The following NDRG2 variants were observed in gnomAD, a reference collection of about 807,000 sequenced individuals.
NDRG2 encodes protein NDRG2.
Under a neutral mutation model 58.2 loss-of-function variants are expected in NDRG2, and 34 were observed. The ratio of observed to expected loss-of-function variants is 0.58; its 90% CI spans 0.44 to 0.78. The LOEUF (loss-of-function observed/expected upper bound fraction) is 0.78, where lower values mean the gene tolerates loss of function less well. Among genes scored for constraint, NDRG2 ranks in the 30% least tolerant of loss-of-function variants. The pLI, the probability that NDRG2 is intolerant of heterozygous loss-of-function variation, is 0.00. For synonymous variants in NDRG2, 187 were observed against 175.9 expected, an observed-to-expected ratio of 1.06 and a Z score of -0.50; for missense variants, 434 against 471.2, an observed-to-expected ratio of 0.92 and a Z score of 0.73.
intron 1 of NDRG2, among the ~76,000 whole-genome samples, chr14:21,036,985 G>T (rs1260552075): frequency 6.6e-6 from 1 of 152,220 alleles, no homozygotes; most frequent in African/African-American, 2.4e-5. Flanking sequence ...CCACATTGTG[G>T]TCCCTGCCTT....
intron 6 of NDRG2, chr14:21,021,561 C>T (rs1880335619): frequency 6.0e-6 from 3 of 501,174 alleles, no homozygotes; most frequent in East Asian, 3.4e-5. Context: ...TCAGAGAAGG[C>T]CCTCCTTAGC....
At chr14:21,020,053 T>A (rs1335852384) in intron 8 of NDRG2, 77 bp from the exon 9 acceptor site, 2 of 1,389,426 alleles carry the variant, frequency 1.4e-6, no homozygotes, top group South Asian at 1.2e-5. Flanking sequence ...CCCAGCACTT[T>A]GGGAGGCCGA....
intron 1 of NDRG2, chr14:21,034,400 T>A (rs570552859): frequency 1.3e-6 from 1 of 773,108 alleles, no homozygotes; most frequent in East Asian, 2.7e-5. Context: ...TTAGAGATCA[T>A]CTCACCCATA....
At chr14:21,018,572 A>T in intron 12 of NDRG2, 68 bp from the exon 13 acceptor site, 1 of 1,584,698 alleles carries the variant, frequency 6.3e-7, no homozygotes, top group Non-Finnish European at 8.6e-7. Context: ...TAAGGGACCC[A>T]GGAACCCAGA....
Position 21,024,313 on chromosome 14 carries a change from C to T in NDRG2, c.-290G>A. 4.1e-6 allele frequency: 4 copies of T among 985,330 alleles called. No homozygotes were observed. The highest frequency in any genetic ancestry group is 4.8e-6 in the Non-Finnish European group (4 of 829,906). 61.0% of individuals were successfully genotyped at this position (985,330 alleles called of 1,614,324 possible). A position where few individuals can be genotyped will look rare whatever the true frequency, so the allele number is the denominator to read the frequency against. On this transcript the variant is annotated 5_prime_UTR_variant, in exon 1 of 16. Transcript: ENST00000556147. ...GCTACAAGGGCATCAGTTCAGGCTGCGCGGAGGAGAGAAGGAAGTGCTGAT... is the reference window on the plus strand; with the variant it reads ...GCTACAAGGGCATCAGTTCAGGCTGTGCGGAGGAGAGAAGGAAGTGCTGAT...
intron 1 of NDRG2, among the ~76,000 whole-genome samples, chr14:21,037,073 T>C (rs1303375842): frequency 6.6e-6 from 1 of 151,956 alleles, no homozygotes; most frequent in Non-Finnish European, 1.5e-5. Context: ...ATACCTTTTG[T>C]TCTTCCTCTT....
upstream of NDRG2, chr14:21,030,450 A>T (rs1883996260): frequency 1.1e-6 from 1 of 883,616 alleles, no homozygotes; most frequent in East Asian, 2.7e-5. Flanking sequence ...GCAACAGGGA[A>T]GAGGGGAGCT....
intron 1 of NDRG2, among the ~76,000 whole-genome samples, chr14:21,060,407 A>G (rs1885896963): frequency 6.6e-6 from 1 of 152,170 alleles, no homozygotes; most frequent in African/African-American, 2.4e-5. Flanking sequence ...AGACAGAAGC[A>G]GCATTCTTCC....
chr14:21,064,892 C>T (rs1184265863), intron 1 of NDRG2, among the ~76,000 whole-genome samples: 2 of 152,104 alleles, frequency 1.3e-5, no homozygotes, highest in Non-Finnish European at 2.9e-5. Flanking sequence ...GTCCCGTGGC[C>T]GGGCATGGTG....
rs201294399 is a variant in NDRG2, at chr14:21,023,227, C to A, written c.75+14G>T. On this transcript the variant is annotated intron_variant, in intron 2 of 15. Transcript: ENST00000556147. ...CTGGAATTTGGGCATGGGAGTCAAA[C>A]GGTCTCTAATAACCTTGGCCGCCTC... The A allele has an allele frequency of 1.2e-6, 2 of 1,612,308 alleles. No individual in the cohort carries two copies. Among genetic ancestry groups the A allele is most frequent in the African/African-American group, 2.7e-5 (2 of 74,996 alleles).
rs1182353310 is a variant in NDRG2, at chr14:21,025,009, T to A, written c.-986A>T. The A allele has an allele frequency of 3.0e-6, 3 of 984,692 alleles. No homozygotes were observed. The highest frequency in any genetic ancestry group is 3.6e-6 in the Non-Finnish European group (3 of 830,122). The allele number at this position is 984,692 out of a possible 1,614,324, so 61.0% of individuals were successfully genotyped here. ...GGCGCCTTCCAGGCCCTACGGCCCC[T>A]CGCCTGCCCCTCCCCCTACCTGCTG... On this transcript the variant is annotated 5_prime_UTR_variant, in exon 1 of 16. Coordinates refer to ENST00000556147, the MANE Select transcript of NDRG2 (RefSeq NM_001320329.2). The surrounding 1 kb of genome is among the most constrained non-coding windows in gnomAD (Gnocchi z 5.1).
intron 1 of NDRG2, among the ~76,000 whole-genome samples, chr14:21,063,858 A>G (rs1301464249): frequency 6.6e-6 from 1 of 152,228 alleles, no homozygotes; most frequent in Non-Finnish European, 1.5e-5. Context: ...AAAATTTTTC[A>G]GTGAGAGGGA....
intron 1 of NDRG2, among the ~76,000 whole-genome samples, chr14:21,065,674 T>C (rs148946139): frequency 0.012 from 1,801 of 152,302 alleles, 28 homozygotes; most frequent in African/African-American, 0.041. Context: ...TGTAACACTT[T>C]AGTTAAGACC....
chr14:21,033,569 G>A (rs1566489871), intron 1 of NDRG2: 11 of 551,106 alleles, frequency 2.0e-5, no homozygotes, highest in Non-Finnish European at 3.3e-5. Context: ...GGGTTTTACT[G>A]TCTCTGGGAG....
chr14:21,030,656 G>A, upstream of NDRG2: 9 of 1,614,106 alleles, frequency 5.6e-6, no homozygotes, highest in Non-Finnish European at 7.6e-6. Context: ...GCACTGAAAT[G>A]AACAACAAGA....
At chr14:21,027,552 A>G (rs948520790), upstream of NDRG2, among the ~76,000 whole-genome samples, 1 of 152,164 alleles carries the variant, frequency 6.6e-6, no homozygotes, top group Non-Finnish European at 1.5e-5. Context: ...GAGATTTCCA[A>G]CCCCACATAA....
At chr14:21,038,122 G>A (rs1294563677) in intron 1 of NDRG2, among the ~76,000 whole-genome samples, 1 of 152,238 alleles carries the variant, frequency 6.6e-6, no homozygotes, top group South Asian at 2.1e-4. Context: ...TCTTCTCATA[G>A]CATCACCTCA....
intron 1 of NDRG2, among the ~76,000 whole-genome samples, chr14:21,065,259 C>CA (rs777334550): frequency 2.0e-5 from 3 of 151,788 alleles, no homozygotes; most frequent in East Asian, 1.9e-4. Flanking sequence ...AACAAACAAA[C>CA]AAAAAAAACC....
chr14:21,045,965 G>A (rs1885124745), intron 1 of NDRG2, among the ~76,000 whole-genome samples: 1 of 152,098 alleles, frequency 6.6e-6, no homozygotes, highest in South Asian at 2.1e-4. Flanking sequence ...GTTTCAAAAG[G>A]CAGCAGGTGG....
Sources: allele counts gnomAD v4.1 joint callset (sites outside exome capture counted in the v4.1 genomes callset), GRCh38; gene constraint gnomAD v4.1.1; non-coding constraint Gnocchi (gnomAD v3.1); transcripts MANE v1.5; gene names NCBI Gene and HGNC (gene_info 2026-07-23, HGNC 2026-07-21).